The following CNTNAP2 variants were observed in gnomAD, a reference collection of about 807,000 sequenced individuals.
CNTNAP2 encodes contactin-associated protein-like 2.
A neutral mutation model predicts 155.2 loss-of-function variants in CNTNAP2; 98 were observed. The ratio of observed to expected loss-of-function variants is 0.63; its 90% CI spans 0.54 to 0.75. The LOEUF (loss-of-function observed/expected upper bound fraction) is 0.75, where lower values mean the gene tolerates loss of function less well. Among genes scored for constraint, CNTNAP2 ranks in the 30% least tolerant of loss-of-function variants. The probability of loss-of-function intolerance (pLI) is 0.00; values close to 1 mark genes in which losing one functional copy is unlikely to be tolerated. For missense variants in CNTNAP2, 1,727 were observed against 1,688.1 expected, an observed-to-expected ratio of 1.02 and a Z score of -0.40; for synonymous variants, 651 against 631.2, an observed-to-expected ratio of 1.03 and a Z score of -0.47.
chr7:148,019,734 G>A (rs1056311443), intron 15 of CNTNAP2, among the ~76,000 whole-genome samples: 1 of 152,070 alleles, frequency 6.6e-6, no homozygotes, highest in Non-Finnish European at 1.5e-5. Flanking sequence ...TGGGGTTACA[G>A]GTGTGAGCCA....
At chr7:147,165,966 T>G (rs1161159211) in intron 8 of CNTNAP2, among the ~76,000 whole-genome samples, 5 of 152,156 alleles carry the variant, frequency 3.3e-5, no homozygotes, top group Admixed American at 6.5e-5. Context: ...TGGAAAACAG[T>G]GTGGAGATTC....
intron 8 of CNTNAP2, among the ~76,000 whole-genome samples, chr7:147,183,697 C>T (rs1332832106): frequency 6.6e-6 from 1 of 152,136 alleles, no homozygotes; most frequent in East Asian, 1.9e-4. Flanking sequence ...ATATCACGGG[C>T]TTGGGATTGG....
chr7:148,154,284 T>G (rs1338616365), intron 17 of CNTNAP2, among the ~76,000 whole-genome samples: 3 of 152,212 alleles, frequency 2.0e-5, no homozygotes, highest in Admixed American at 2.0e-4. Context: ...CCTCTGACAG[T>G]TTGTCTATCA....
intron 1 of CNTNAP2, among the ~76,000 whole-genome samples, chr7:146,682,103 G>C (rs979192955): frequency 6.6e-6 from 1 of 151,758 alleles, no homozygotes; most frequent in Non-Finnish European, 1.5e-5. Flanking sequence ...CAAAAATGAT[G>C]CTTTATGAAA....
At chr7:147,910,334 A>C (rs945901654) in intron 14 of CNTNAP2, among the ~76,000 whole-genome samples, 2 of 152,186 alleles carry the variant, frequency 1.3e-5, no homozygotes, top group Non-Finnish European at 2.9e-5. Flanking sequence ...TGTTTCATAT[A>C]CTGTGTCATT....
At chr7:147,043,764 A>G in intron 3 of CNTNAP2, 143 bp from the exon 4 acceptor site, 1 of 984,450 alleles carries the variant, frequency 1.0e-6, no homozygotes, top group African/African-American at 1.6e-5. Context: ...AGAGTAAGGA[A>G]GCAGCTTTCT....
At chr7:146,293,244 A>G (rs953249041) in intron 1 of CNTNAP2, among the ~76,000 whole-genome samples, 5 of 152,182 alleles carry the variant, frequency 3.3e-5, no homozygotes, top group African/African-American at 7.2e-5. Flanking sequence ...TACCATGAAC[A>G]TAGGAATTCC....
intron 15 of CNTNAP2, among the ~76,000 whole-genome samples, chr7:147,980,404 A>T (rs1443721591): frequency 6.6e-6 from 1 of 152,218 alleles, no homozygotes; most frequent in African/African-American, 2.4e-5. Flanking sequence ...ATCTCAGTAT[A>T]CTTATAATTA....
chr7:147,459,087 C>T (rs1797971404), intron 10 of CNTNAP2, among the ~76,000 whole-genome samples: 1 of 152,210 alleles, frequency 6.6e-6, no homozygotes, highest in South Asian at 2.1e-4. Flanking sequence ...TGTATCTGCA[C>T]TGTCCAATAT....
chr7:147,431,163 T>A (rs2116528709), intron 10 of CNTNAP2, among the ~76,000 whole-genome samples: 1 of 152,248 alleles, frequency 6.6e-6, no homozygotes, highest in Non-Finnish European at 1.5e-5. Flanking sequence ...ATTAGGTTGG[T>A]TTGAGCAATT....
At chr7:147,534,660 A>G (rs2116731792) in intron 11 of CNTNAP2, among the ~76,000 whole-genome samples, 1 of 152,324 alleles carries the variant, frequency 6.6e-6, no homozygotes, top group African/African-American at 2.4e-5. Context: ...TGGGACTTTT[A>G]AAGTTTAAAG....
intron 20 of CNTNAP2, among the ~76,000 whole-genome samples, chr7:148,250,699 G>A (rs1585217002): frequency 6.6e-6 from 1 of 152,184 alleles, no homozygotes; most frequent in Admixed American, 6.5e-5. Context: ...CACAGGGGGA[G>A]GCACGAGAGA....
intron 10 of CNTNAP2, among the ~76,000 whole-genome samples, chr7:147,445,802 C>T (rs1797725891): frequency 6.6e-6 from 1 of 151,870 alleles, no homozygotes. Flanking sequence ...TCTCTTTCTT[C>T]TTTCTTTTTG....
intron 1 of CNTNAP2, among the ~76,000 whole-genome samples, chr7:146,314,398 G>T (rs1360863065): frequency 1.3e-5 from 2 of 152,054 alleles, no homozygotes; most frequent in Admixed American, 1.3e-4. Context: ...GAGAGGTCGG[G>T]GTGTTAGATG....
intron 5 of CNTNAP2, among the ~76,000 whole-genome samples, chr7:147,118,667 G>A (rs1397392768): frequency 1.3e-5 from 2 of 152,166 alleles, no homozygotes; most frequent in African/African-American, 4.8e-5. Context: ...ATTGCTCCTA[G>A]TGTAGAAATC....
chr7:147,409,057 AAGATTGTTATATTCACT>A (rs1475349323), intron 10 of CNTNAP2, among the ~76,000 whole-genome samples: 1 of 152,182 alleles, frequency 6.6e-6, no homozygotes, highest in African/African-American at 2.4e-5. Context: ...GCTTTAATGA[AAGATTGTTATATTCACT>A]AGTCTCCCCA....
In CNTNAP2 at chr7:147,120,721, C is replaced by A. The variant is rs75216987; in HGVS notation, c.755-258C>A. Among the ~76,000 whole-genome samples the A allele has an allele frequency of 0.16, 24,921 of 151,406 alleles. 2,402 individuals are homozygous for A. Among genetic ancestry groups the A allele is most frequent in the East Asian group, 0.39 (2,017 of 5,134 alleles). Reference sequence around the variant, plus strand: ...TATGTATACATGTGACATGCTGGTGCGCTGCACCCACTAACTCGTCATCTA... The same window carrying A: ...TATGTATACATGTGACATGCTGGTGAGCTGCACCCACTAACTCGTCATCTA... On this transcript the variant is annotated intron_variant, in intron 5 of 23. Coordinates refer to ENST00000361727, the MANE Select transcript of CNTNAP2 (RefSeq NM_014141.6).
At chr7:146,343,814 T>C (rs1027168915) in intron 1 of CNTNAP2, among the ~76,000 whole-genome samples, 1 of 152,062 alleles carries the variant, frequency 6.6e-6, no homozygotes, top group Non-Finnish European at 1.5e-5. Context: ...TTTAGACCAA[T>C]GTTAGTTTTT....
At chr7:147,284,406 C>A in intron 8 of CNTNAP2, among the ~76,000 whole-genome samples, 1 of 151,574 alleles carries the variant, frequency 6.6e-6, no homozygotes, top group Non-Finnish European at 1.5e-5. Context: ...GTATATCACA[C>A]GGCTCTCCTG....
Sources: allele counts gnomAD v4.1 joint callset (sites outside exome capture counted in the v4.1 genomes callset), GRCh38; gene constraint gnomAD v4.1.1; transcripts MANE v1.5; gene names NCBI Gene and HGNC (gene_info 2026-07-23, HGNC 2026-07-21).